MPHOSPH8: variants seen among roughly 807,000 people sequenced by gnomAD.
MPHOSPH8 encodes M-phase phosphoprotein 8, also known as M-phase phosphoprotein, mpp.
Under a neutral mutation model 87.3 loss-of-function variants are expected in MPHOSPH8, and 45 were observed. The observed-to-expected ratio is 0.52, with a 90% CI of 0.41 to 0.66. The LOEUF (loss-of-function observed/expected upper bound fraction) is 0.66. Ranked by LOEUF, MPHOSPH8 falls within the 30% of genes least tolerant of loss-of-function variation. The pLI, the probability that MPHOSPH8 is intolerant of heterozygous loss-of-function variation, is 0.00. For synonymous variants in MPHOSPH8, 366 were observed against 376.9 expected (o/e 0.97, Z 0.33); for missense variants, 883 against 1,020.2 (o/e 0.87, Z 1.83).
intron 11 of MPHOSPH8, 99 bp downstream of exon 11, chr13:19,668,630 A>C: frequency 1.5e-6 from 2 of 1,300,940 alleles, no homozygotes; most frequent in Middle Eastern, 2.4e-4. Flanking sequence ...ACTTTAAGGA[A>C]ATTCCATTAC....
intron 5 of MPHOSPH8, among the ~76,000 whole-genome samples, chr13:19,655,527 T>C (rs1291111223): frequency 6.6e-6 from 1 of 152,092 alleles, no homozygotes; most frequent in East Asian, 1.9e-4. Context: ...TGAGTTATAA[T>C]GGTGTAACAT....
chr13:19,646,560 A>T lies in MPHOSPH8; in HGVS notation c.487A>T (p.Lys163Ter). ...GAAAAAATTGAGGCAGAGAGAAGAG[A>T]AAAGCCCAGATGATCTGAAAAAGAA... ...KKKKLRQREE[K>*]SPDDLKKKKA... The change falls in exon 3 of 14, where the codon AAA (lysine) becomes TAA (stop). Residue 163 changes from lysine to a stop codon, truncating the protein, a stop_gained. Transcript: ENST00000361479. LOFTEE classifies it high-confidence loss of function. 1.3e-6 allele frequency: 2 copies of T among 1,585,188 alleles called. No homozygotes were observed. Among genetic ancestry groups the T allele is most frequent in the Non-Finnish European group, 1.7e-6 (2 of 1,173,398 alleles).
At chr13:19,639,804 C>T (rs945621038) in intron 1 of MPHOSPH8, among the ~76,000 whole-genome samples, 2 of 152,062 alleles carry the variant, frequency 1.3e-5, no homozygotes, top group African/African-American at 4.8e-5. Flanking sequence ...AAACTTATTC[C>T]TGTGTTAAGA....
intron 1 of MPHOSPH8, among the ~76,000 whole-genome samples, chr13:19,638,457 C>CA (rs1874115703): frequency 6.6e-6 from 1 of 150,864 alleles, no homozygotes; most frequent in East Asian, 2.0e-4. Context: ...TACTAAAATA[C>CA]AAAAAATTAG....
intron 5 of MPHOSPH8, among the ~76,000 whole-genome samples, chr13:19,650,756 A>G (rs1226708756): frequency 1.2e-5 from 1 of 83,054 alleles, no homozygotes; most frequent in African/African-American, 2.7e-5. Flanking sequence ...GTTTATAACT[A>G]GGACCTAATA....
At chr13:19,666,366 C>T in intron 9 of MPHOSPH8, 59 bp from the exon 10 acceptor site, 2 of 1,518,416 alleles carry the variant, frequency 1.3e-6, no homozygotes, top group Non-Finnish European at 9.0e-7. Flanking sequence ...GGAGAAGGGA[C>T]CAGCACCCAT....
rs1397427339 is a variant in MPHOSPH8 at position 19,672,048 on chromosome 13, GTATGCCGGAATC to G, written c.*175_*186del. The G allele has an allele frequency of 4.7e-6, 3 of 640,630 alleles. No individual in the cohort carries two copies. The highest frequency in any genetic ancestry group is 5.3e-5 in the Admixed American group (2 of 37,590). 39.7% of individuals were successfully genotyped at this position (640,630 alleles called of 1,614,324 possible). On this transcript the variant is annotated 3_prime_UTR_variant, in exon 14 of 14. Coordinates refer to ENST00000361479, the MANE Select transcript of MPHOSPH8 (RefSeq NM_017520.4). ...ATGCGACATAGCTGTGTCTGTGCCA[GTATGCCGGAATC>G]TCAGTGCAGTGTCCAGACTGCGTAT...
At position 19,657,254 on chromosome 13, in the gene MPHOSPH8, G is replaced by A. The variant is rs1031647798; in HGVS notation, c.1577-1741G>A. Among the ~76,000 whole-genome samples, 64 of 151,474 alleles carry A rather than the reference G, an allele frequency of 4.2e-4. 1 individual carries two copies. The highest frequency in any genetic ancestry group is 1.5e-3 in the African/African-American group (61 of 41,206). The stretch of plus-strand genomic sequence containing the variant: ...TTAGGGTCCAGGCACGGTGGTTCAC[G>A]CCTGTAATCCTAGCAGTTTGGGAGG... On this transcript the variant is annotated intron_variant, in intron 5 of 13. Transcript: ENST00000361479.
At chr13:19,659,911 T>C (rs1162595613) in intron 7 of MPHOSPH8, among the ~76,000 whole-genome samples, 1 of 151,318 alleles carries the variant, frequency 6.6e-6, no homozygotes, top group East Asian at 1.9e-4. Flanking sequence ...CAATGGTCCA[T>C]CTCTCCTGTT....
chr13:19,660,221 G>A (rs1370195421), intron 7 of MPHOSPH8, among the ~76,000 whole-genome samples: 2 of 151,250 alleles, frequency 1.3e-5, no homozygotes, highest in East Asian at 1.9e-4. Context: ...GCCTGCCTCC[G>A]CCTCCCAAAG....
intron 5 of MPHOSPH8, among the ~76,000 whole-genome samples, chr13:19,657,253 C>T (rs1040329678): frequency 4.0e-5 from 6 of 151,520 alleles, no homozygotes; most frequent in South Asian, 2.1e-4. Context: ...CGGTGGTTCA[C>T]GCCTGTAATC....
At chr13:19,648,037 A>G (rs1316978857) in intron 3 of MPHOSPH8, among the ~76,000 whole-genome samples, 7 of 152,216 alleles carry the variant, frequency 4.6e-5, no homozygotes, top group Admixed American at 4.6e-4. Flanking sequence ...AATGTAAACA[A>G]AAATGAATTT....
intron 7 of MPHOSPH8, among the ~76,000 whole-genome samples, chr13:19,661,469 G>A (rs2137534550): frequency 6.6e-6 from 1 of 152,282 alleles, no homozygotes; most frequent in South Asian, 2.1e-4. Context: ...AAACAAGGTA[G>A]GCCTATAGAG....
In MPHOSPH8 at chr13:19,668,362, AT is replaced by A. The variant is rs200437991; in HGVS notation, c.2175-6del. The A allele has an allele frequency of 6.3e-4, 991 of 1,581,600 alleles. 3 individuals are homozygous for A. The highest frequency in any genetic ancestry group is 1.9e-3 in the Middle Eastern group (11 of 5,816). On this transcript the variant is annotated splice_polypyrimidine_tract_variant and intron_variant, in intron 10 of 13. Transcript: ENST00000361479. ...TTCTACATTAACGTTAACACGTACT[AT>A]TTTTTTTTCTTAGACTTTCAAGAGT...
At position 19,661,820 on chromosome 13, in the gene MPHOSPH8, C is replaced by T; in HGVS notation, c.1914C>T (p.Leu638=). ...NGRQKNGTTA[L]IHAAEKNFLT... ...GGCAGAAGAACGGGACCACCGCCCT[C>T]ATTCATGCTGCAGAGAAGGTTTGTG... The change falls in exon 8 of 14, where the codon CTC becomes CTT. Residue 638 remains leucine, a synonymous_variant. Transcript: ENST00000361479. 1 of 1,611,442 alleles carries T rather than the reference C, an allele frequency of 6.2e-7. No homozygotes were observed.
intron 10 of MPHOSPH8, 68 bp from the exon 11 acceptor site, chr13:19,668,309 A>G: frequency 1.4e-6 from 2 of 1,439,352 alleles, no homozygotes; most frequent in Non-Finnish European, 1.9e-6. Flanking sequence ...GGAAGCCCTC[A>G]CTGGTATTCG....
At chr13:19,669,990 C>T (rs973491691) in intron 11 of MPHOSPH8, among the ~76,000 whole-genome samples, 1 of 152,146 alleles carries the variant, frequency 6.6e-6, no homozygotes, top group African/African-American at 2.4e-5. Flanking sequence ...GAAAATCATA[C>T]GTAAGTCTTT....
intron 1 of MPHOSPH8, among the ~76,000 whole-genome samples, chr13:19,640,843 G>A (rs1249654112): frequency 2.6e-5 from 4 of 152,004 alleles, no homozygotes; most frequent in East Asian, 3.9e-4. Context: ...TTTGTATGAT[G>A]GAATAATCTT....
intron 5 of MPHOSPH8, among the ~76,000 whole-genome samples, chr13:19,650,695 A>G (rs142135589): frequency 2.5e-3 from 387 of 152,360 alleles, no homozygotes; most frequent in African/African-American, 8.7e-3. Context: ...GAAGAAGAAT[A>G]CAGACTACAG....
Sources: gnomAD v4.1 joint callset for allele counts (sites outside exome capture counted in the v4.1 genomes callset) on GRCh38, gnomAD v4.1.1 for gene constraint, MANE v1.5 for transcripts, NCBI Gene and HGNC (gene_info 2026-07-23, HGNC 2026-07-21) for gene names.